The following NHSL1 variants were observed in gnomAD, a reference collection of about 807,000 sequenced individuals.
The protein encoded by NHSL1 is NHS like 1, also known as NHS-like protein 1.
A neutral mutation model predicts 95.0 loss-of-function variants in NHSL1; 48 were observed. The ratio of observed to expected loss-of-function variants is 0.51; its 90% CI spans 0.40 to 0.64. NHSL1 has a LOEUF of 0.64. NHSL1 is among the 30% of genes least tolerant of loss of function. NHSL1 has a pLI of 0.00. For synonymous variants in NHSL1, 783 were observed against 833.9 expected, an observed-to-expected ratio of 0.94 and a Z score of 1.05; for missense variants, 1,971 against 2,077.7, an observed-to-expected ratio of 0.95 and a Z score of 1.00.
intron 1 of NHSL1, among the ~76,000 whole-genome samples, chr6:138,551,303 T>C (rs1340435590): frequency 6.6e-6 from 1 of 152,226 alleles, no homozygotes; most frequent in Non-Finnish European, 1.5e-5. Context: ...GCAATGCTTA[T>C]TTTCATAGCC....
intron 2 of NHSL1, among the ~76,000 whole-genome samples, chr6:138,485,236 T>C (rs1779653221): frequency 6.6e-6 from 1 of 152,136 alleles, no homozygotes; most frequent in Admixed American, 6.6e-5. Context: ...CAATGTATCG[T>C]TTTTATGCTG....
At chr6:138,622,327 C>T (rs904260590) in intron 1 of NHSL1, among the ~76,000 whole-genome samples, 2 of 151,694 alleles carry the variant, frequency 1.3e-5, no homozygotes, top group African/African-American at 4.8e-5. Context: ...ACGGTGACAC[C>T]CAGTCTCTAC....
intron 1 of NHSL1, among the ~76,000 whole-genome samples, chr6:138,532,658 A>G (rs1334180153): frequency 6.6e-6 from 1 of 152,216 alleles, no homozygotes; most frequent in Non-Finnish European, 1.5e-5. Context: ...AATCACTTCT[A>G]TTTATTAGAT....
chr6:138,662,146 A>G (rs6928217), intron 1 of NHSL1, among the ~76,000 whole-genome samples: 2,681 of 75,190 alleles, frequency 0.036, 89 homozygotes, highest in African/African-American at 0.11. Context: ...TTTTTTTCAG[A>G]AAAAAAAAAA....
At chr6:138,471,939 G>A (rs1201046007) in intron 3 of NHSL1, among the ~76,000 whole-genome samples, 2 of 151,924 alleles carry the variant, frequency 1.3e-5, no homozygotes, top group East Asian at 3.9e-4. Flanking sequence ...AGCACTTTGG[G>A]AGGCTGAGGT....
At chr6:138,557,523 A>G (rs140139553) in intron 1 of NHSL1, among the ~76,000 whole-genome samples, 3 of 152,242 alleles carry the variant, frequency 2.0e-5, no homozygotes, top group Admixed American at 6.5e-5. Context: ...AGTGAAATAC[A>G]AAACAGTCAC....
At chr6:138,462,697 T>A (rs1350380784) in intron 3 of NHSL1, among the ~76,000 whole-genome samples, 1 of 152,250 alleles carries the variant, frequency 6.6e-6, no homozygotes, top group African/African-American at 2.4e-5. Flanking sequence ...GTAGGACTGC[T>A]AGGCAGCACT....
At chr6:138,511,608 A>G (rs1448822589) in intron 1 of NHSL1, among the ~76,000 whole-genome samples, 2 of 152,132 alleles carry the variant, frequency 1.3e-5, no homozygotes, top group Admixed American at 1.3e-4. Flanking sequence ...TTGACCAACA[A>G]TGAAGACATC....
chr6:138,568,172 A>G (rs1007478233), intron 1 of NHSL1, among the ~76,000 whole-genome samples: 1 of 152,216 alleles, frequency 6.6e-6, no homozygotes, highest in Non-Finnish European at 1.5e-5. Context: ...AAACATGAAA[A>G]TGTTCCAGAT....
intron 1 of NHSL1, among the ~76,000 whole-genome samples, chr6:138,661,902 C>G (rs1785232384): frequency 6.6e-6 from 1 of 151,950 alleles, no homozygotes. Flanking sequence ...AAGACTCTGT[C>G]TCTACAAAAA....
At chr6:138,464,109 C>G (rs930418665) in intron 3 of NHSL1, 2 of 510,526 alleles carry the variant, frequency 3.9e-6, no homozygotes, top group Admixed American at 5.4e-5. Context: ...AGGTGTTCAG[C>G]TATCCTCACC....
chr6:138,442,330 A>T (rs1251978134), intron 4 of NHSL1, among the ~76,000 whole-genome samples: 1 of 152,206 alleles, frequency 6.6e-6, no homozygotes, highest in East Asian at 1.9e-4. Flanking sequence ...AAGCACCTTG[A>T]TCTCATTTTC....
rs375728586 is a variant in NHSL1, at chr6:138,636,789, C to A, written c.96+55687G>T. Among the ~76,000 whole-genome samples, 9 of 152,218 alleles carry A rather than the reference C, an allele frequency of 5.9e-5. No individual in the cohort carries two copies. The East Asian group carries it at 9.6e-4, about 16-fold the overall frequency. On this transcript the variant is annotated intron_variant, in intron 1 of 3. Coordinates refer to the NHSL1 transcript ENST00000491526. ...ACCAAAAAAATGGAAAAATATTCCACGTTCATGGATTGGAAAAAATCAACA... is the reference window on the plus strand; with the variant it reads ...ACCAAAAAAATGGAAAAATATTCCAAGTTCATGGATTGGAAAAAATCAACA...
At position 138,424,220 on chromosome 6, in the gene NHSL1, T is replaced by C; in HGVS notation, c.4682A>G (p.Asp1561Gly). 1 of 1,505,566 alleles carries C rather than the reference T, an allele frequency of 6.6e-7. No individual in the cohort carries two copies. Among genetic ancestry groups the C allele is most frequent in the Non-Finnish European group, 8.9e-7 (1 of 1,128,752 alleles). The allele number at this position is 1,505,566 out of a possible 1,614,324, so 93.3% of individuals were successfully genotyped here. ...CTCCCCACAGAGCAGGCCGCCCTCG[T>C]CCATCTCCTCCCTCGCCAGTCCGTC... Reference protein sequence around the residue: ...SLDGLAREEMDEGGLLCGEGP... With the variant: ...SLDGLAREEMGEGGLLCGEGP... Residue 1561 changes from aspartate to glycine, a missense_variant, in exon 8 of 8, where the codon GAC (aspartate) becomes GGC (glycine). Transcript: ENST00000343505. The surrounding 1 kb of genome is among the most constrained non-coding windows in gnomAD (Gnocchi z 5.9).
At chr6:138,542,730 G>C (rs1008863746) in intron 1 of NHSL1, among the ~76,000 whole-genome samples, 3 of 152,172 alleles carry the variant, frequency 2.0e-5, no homozygotes, top group East Asian at 1.9e-4. Context: ...CGTAGCTTTA[G>C]TAGTAAAAAC....
upstream of NHSL1, among the ~76,000 whole-genome samples, chr6:138,500,301 T>G (rs1207713476): frequency 6.6e-6 from 1 of 152,204 alleles, no homozygotes; most frequent in Non-Finnish European, 1.5e-5. Flanking sequence ...CTGGTTCTTT[T>G]GCCCATTGGC....
chr6:138,679,039 C>T (rs965603061), intron 1 of NHSL1, among the ~76,000 whole-genome samples: 2 of 152,080 alleles, frequency 1.3e-5, no homozygotes, highest in East Asian at 1.9e-4. Context: ...TCAATTAAAC[C>T]GTCCAACATT....
rs370888768 is a variant in NHSL1, at chr6:138,670,665, C to CAA, written c.96+21809_96+21810dup. ...TGGGCGACAAAGCGAGACTCCGTCTCAAAAAAAAAAAAAAAAAAAAACTTT... is the reference window on the plus strand; with the variant it reads ...TGGGCGACAAAGCGAGACTCCGTCTCAAAAAAAAAAAAAAAAAAAAAAACTTT... On this transcript the variant is annotated intron_variant, in intron 1 of 3. Coordinates refer to the NHSL1 transcript ENST00000491526. Among the ~76,000 whole-genome samples the CAA allele has an allele frequency of 4.2e-3, 287 of 69,020 alleles. 3 individuals are homozygous for CAA. Among genetic ancestry groups the CAA allele is most frequent in the African/African-American group, 0.012 (217 of 18,680 alleles). The allele number at this position is 69,020 out of a possible 152,430, so 45.3% of individuals were successfully genotyped here.
chr6:138,442,549 T>C (rs1776597581), intron 4 of NHSL1, among the ~76,000 whole-genome samples: 1 of 152,226 alleles, frequency 6.6e-6, no homozygotes, highest in African/African-American at 2.4e-5. Context: ...TTGCCTTGTG[T>C]GATGAAATAA....
Sources: allele counts gnomAD v4.1 joint callset (sites outside exome capture counted in the v4.1 genomes callset), GRCh38; gene constraint gnomAD v4.1.1; non-coding constraint Gnocchi (gnomAD v3.1); transcripts MANE v1.5; gene names NCBI Gene and HGNC (gene_info 2026-07-23, HGNC 2026-07-21).